Variants in MUC7 observed in about 807,000 individuals in gnomAD.
MUC7 encodes mucin 7, secreted.
Under a neutral mutation model 2.5 loss-of-function variants are expected in MUC7, and 2 were observed. That is an observed-to-expected ratio of 0.81 (90% confidence interval 0.33 to 2.55). The LOEUF is 2.55. Ranked by LOEUF, MUC7 falls within the 30% of genes most tolerant of loss-of-function variation. MUC7 has a pLI of 0.11. For missense variants in MUC7, 408 were observed against 455.6 expected (o/e 0.90, Z 0.95); for synonymous variants, 133 against 173.4 (o/e 0.77, Z 1.83).
At chr4:70,437,249 G>A (rs556090288) in intron 1 of MUC7, among the ~76,000 whole-genome samples, 14 of 152,212 alleles carry the variant, frequency 9.2e-5, no homozygotes, top group Non-Finnish European at 1.6e-4. Context: ...GTCAGGCAGG[G>A]ACGTTTAAGT....
intron 1 of MUC7, among the ~76,000 whole-genome samples, chr4:70,449,748 T>C (rs1019730256): frequency 1.3e-5 from 2 of 152,196 alleles, no homozygotes; most frequent in Non-Finnish European, 2.9e-5. Context: ...TAGAATTCTC[T>C]GGATTACCAG....
In MUC7 at chr4:70,449,807, C is replaced by T. The variant is rs183115009; in HGVS notation, c.-93+19120C>T. Among the ~76,000 whole-genome samples the T allele has an allele frequency of 1.4e-4, 21 of 152,284 alleles. No homozygotes were observed. In the East Asian group the frequency reaches 3.9e-3, roughly 28 times the overall value. On this transcript the variant is annotated intron_variant, in intron 1 of 3. Coordinates refer to the MUC7 transcript ENST00000413702. ...TTACATTCTCCCAAACATAGAGTCT[C>T]TCTCTCTCTGTTCTGAGCCACCTAA...
At chr4:70,456,010 G>A (rs1189034550) in intron 1 of MUC7, among the ~76,000 whole-genome samples, 1 of 152,112 alleles carries the variant, frequency 6.6e-6, no homozygotes, top group Non-Finnish European at 1.5e-5. Context: ...TCTTCAGGCT[G>A]GACTTTGCAA....
At chr4:70,441,498 G>T (rs781397774) in intron 1 of MUC7, among the ~76,000 whole-genome samples, 1 of 152,122 alleles carries the variant, frequency 6.6e-6, no homozygotes, top group Non-Finnish European at 1.5e-5. Context: ...AAGATTGGTG[G>T]CAGCATCTAT....
At chr4:70,437,271 G>A (rs539327076) in intron 1 of MUC7, among the ~76,000 whole-genome samples, 1 of 152,348 alleles carries the variant, frequency 6.6e-6, no homozygotes, top group East Asian at 1.9e-4. Flanking sequence ...TGCAGAAGCT[G>A]TCTGCTGCCT....
At chr4:70,479,225 T>C (rs1171189495) in intron 2 of MUC7, among the ~76,000 whole-genome samples, 4 of 152,190 alleles carry the variant, frequency 2.6e-5, no homozygotes, top group African/African-American at 9.7e-5. Flanking sequence ...AGATCCAAAA[T>C]CTAATTCTAT....
intron 1 of MUC7, among the ~76,000 whole-genome samples, chr4:70,441,696 G>A (rs774730348): frequency 6.6e-5 from 10 of 152,192 alleles, no homozygotes; most frequent in Non-Finnish European, 1.3e-4. Context: ...AAAGTAGACT[G>A]AAGAAAATAA....
At position 70,481,636 on chromosome 4, in the gene MUC7, C is replaced by T. The variant is rs41396247; in HGVS notation, c.892C>T (p.Pro298Ser). ...AACTACACCAGCTCCACCGTCTTCC[C>T]CAGCTCCACAAGAGACCACAGCTGC... is the stretch of plus-strand genomic sequence containing the variant. ...SATTPAPPSSPAPQETTAAPI... is the reference protein window; with the variant it reads ...SATTPAPPSSSAPQETTAAPI... Residue 298 changes from proline (P) to serine (S), a missense_variant, in exon 3 of 3, where the codon CCA (proline) becomes TCA (serine). Transcript: ENST00000304887. 6.8e-4 allele frequency: 1,089 copies of T among 1,606,750 alleles called. 7 individuals are homozygous for T. The African/African-American group carries it at 0.014, about 21-fold the overall frequency.
chr4:70,464,807 G>A lies in MUC7; in HGVS notation c.-92-7408G>A, dbSNP rs138426857. Reference sequence around the variant, plus strand: ...GGACAAAGCACCTGGGGAAAGGGGAGGTAATGGGCGCAGCTTCAGCTGACT... The same window carrying A: ...GGACAAAGCACCTGGGGAAAGGGGAAGTAATGGGCGCAGCTTCAGCTGACT... On this transcript the variant is annotated intron_variant, in intron 1 of 3. Coordinates refer to the MUC7 transcript ENST00000413702. Among the ~76,000 whole-genome samples the A allele has an allele frequency of 7.1e-4, 108 of 152,268 alleles. 3 individuals carry two copies. The East Asian group carries it at 0.02, about 28-fold the overall frequency.
At chr4:70,476,588 A>G (rs28454888) in intron 2 of MUC7, among the ~76,000 whole-genome samples, 34,642 of 152,134 alleles carry the variant, frequency 0.23, 4,689 homozygotes, top group East Asian at 0.4. Flanking sequence ...GGAGTTCGAG[A>G]CCAGCCTGGC....
rs118042023 is a variant in MUC7, at chr4:70,430,595, C to T, written c.-185C>T. On this transcript the variant is annotated 5_prime_UTR_variant, in exon 1 of 4. Transcript: ENST00000413702. ...ATTTGCCACCTTAGATTTTAAGTTG[C>T]TTCTTGGCTACCAAAATGCCTAGAC... The T allele has an allele frequency of 2.4e-4, 37 of 152,176 alleles. No individual in the cohort carries two copies. The East Asian group carries it at 5.0e-3, about 21-fold the overall frequency. The allele number at this position is 152,176 out of a possible 1,614,324, so 9.4% of individuals were successfully genotyped here. A position where few individuals can be genotyped will look rare whatever the true frequency, so the allele number is the denominator to read the frequency against.
intron 2 of MUC7, among the ~76,000 whole-genome samples, chr4:70,478,314 A>G (rs1735065167): frequency 6.6e-6 from 1 of 152,196 alleles, no homozygotes; most frequent in African/African-American, 2.4e-5. Flanking sequence ...CATTCAATTA[A>G]TAGCTAATGA....
upstream of MUC7, among the ~76,000 whole-genome samples, chr4:70,467,313 A>T (rs1734707710): frequency 6.6e-6 from 1 of 152,244 alleles, no homozygotes; most frequent in Non-Finnish European, 1.5e-5. Context: ...AGTAGAAAAG[A>T]ACTAAAATCA....
intron 1 of MUC7, among the ~76,000 whole-genome samples, chr4:70,435,351 G>T (rs1393496886): frequency 6.6e-6 from 1 of 152,128 alleles, no homozygotes. Flanking sequence ...TTCTTTGTAG[G>T]TCTCTAAGAA....
At chr4:70,466,849 C>T (rs1371692960) in intron 1 of MUC7, among the ~76,000 whole-genome samples, 1 of 152,032 alleles carries the variant, frequency 6.6e-6, no homozygotes, top group African/African-American at 2.4e-5. Context: ...GACAGATCAA[C>T]AGAGACAGAA....
At chr4:70,442,279 T>C (rs543705657) in intron 1 of MUC7, among the ~76,000 whole-genome samples, 20 of 152,302 alleles carry the variant, frequency 1.3e-4, no homozygotes, top group Admixed American at 9.8e-4. Context: ...AAGTGTATTG[T>C]AGAAAAATCA....
At chr4:70,467,213 A>G (rs1734706114), upstream of MUC7, among the ~76,000 whole-genome samples, 1 of 152,362 alleles carries the variant, frequency 6.6e-6, no homozygotes, top group South Asian at 2.1e-4. Flanking sequence ...GAAACACATG[A>G]GAACAAAGAC....
intron 1 of MUC7, among the ~76,000 whole-genome samples, chr4:70,473,458 G>T (rs1395745448): frequency 6.7e-6 from 1 of 149,304 alleles, no homozygotes; most frequent in Admixed American, 6.7e-5. Flanking sequence ...AAAAAAAAAA[G>T]GTACAAGAAA....
rs531578622 is a variant in MUC7 at position 70,482,704 on chromosome 4, A to G, written c.*826A>G. On this transcript the variant is annotated 3_prime_UTR_variant, in exon 3 of 3. Coordinates refer to ENST00000304887, the MANE Select transcript of MUC7 (RefSeq NM_152291.3). ...TTCACTATCAATTCAATTAATTCAC[A>G]TAAATTCCATGTGAAATGTATTCAA... 9.2e-4 allele frequency: 138 copies of G among 150,652 alleles called. No individual in the cohort carries two copies. Among genetic ancestry groups the G allele is most frequent in the African/African-American group, 3.0e-3 (124 of 40,932 alleles). 9.3% of individuals were successfully genotyped at this position (150,652 alleles called of 1,614,324 possible). A position where few individuals can be genotyped will look rare whatever the true frequency, so the allele number is the denominator to read the frequency against.
Sources: allele counts gnomAD v4.1 joint callset (sites outside exome capture counted in the v4.1 genomes callset), GRCh38; gene constraint gnomAD v4.1.1; transcripts MANE v1.5; gene names NCBI Gene and HGNC (gene_info 2026-07-23, HGNC 2026-07-21).